COG5: variants seen among roughly 807,000 people sequenced by gnomAD.
COG5 encodes conserved oligomeric Golgi complex subunit 5.
In COG5, 86 loss-of-function variants were observed where a neutral mutation model predicts 110.4. That is an observed-to-expected ratio of 0.78 (90% CI 0.65 to 0.93). The LOEUF (loss-of-function observed/expected upper bound fraction) is 0.93, where lower values mean the gene tolerates loss of function less well. Among genes scored for constraint, COG5 ranks in the 40% least tolerant of loss-of-function variants. The pLI is 0.00. For missense variants in COG5, 1,077 were observed against 987.0 expected (o/e 1.09, Z -1.22); for synonymous variants, 360 against 334.6 (o/e 1.08, Z -0.83).
At chr7:107,446,412 A>T (rs1795008193) in intron 6 of COG5, among the ~76,000 whole-genome samples, 1 of 152,156 alleles carries the variant, frequency 6.6e-6, no homozygotes, top group Non-Finnish European at 1.5e-5. Context: ...TTGTCATCTT[A>T]GGCACACATA....
chr7:107,530,066 G>C (rs2129159288), intron 5 of COG5, among the ~76,000 whole-genome samples: 1 of 152,238 alleles, frequency 6.6e-6, no homozygotes, highest in Middle Eastern at 3.4e-3. Context: ...CCAACAAAGG[G>C]TATGCTCTCA....
intron 1 of COG5, among the ~76,000 whole-genome samples, chr7:107,562,419 A>G (rs537912989): frequency 5.9e-5 from 9 of 152,198 alleles, no homozygotes; most frequent in Non-Finnish European, 1.2e-4. Context: ...TTTCCTAACC[A>G]GTTTCCAACC....
intron 17 of COG5, among the ~76,000 whole-genome samples, 184 bp from the exon 18 acceptor site, chr7:107,236,871 CA>C: frequency 6.6e-6 from 1 of 152,228 alleles, no homozygotes; most frequent in East Asian, 1.9e-4. Flanking sequence ...AATTACATTT[CA>C]AAAAGTGGTT....
chr7:107,415,438 T>C (rs954961858), intron 6 of COG5, among the ~76,000 whole-genome samples: 5 of 152,174 alleles, frequency 3.3e-5, no homozygotes, highest in Admixed American at 3.3e-4. Context: ...TGTAGAGCTA[T>C]TTGAGTTTAT....
At chr7:107,212,950 C>T (rs1014694383) in intron 19 of COG5, among the ~76,000 whole-genome samples, 3 of 152,150 alleles carry the variant, frequency 2.0e-5, no homozygotes, top group Admixed American at 2.0e-4. Flanking sequence ...ATCTAGCTTC[C>T]CTAGCATTCT....
At chr7:107,422,190 T>G (rs1439339695) in intron 6 of COG5, among the ~76,000 whole-genome samples, 3 of 152,154 alleles carry the variant, frequency 2.0e-5, no homozygotes, top group Non-Finnish European at 2.9e-5. Context: ...ATTTGTAATC[T>G]CCTAGTAATA....
At chr7:107,348,041 G>A (rs912236628) in intron 10 of COG5, among the ~76,000 whole-genome samples, 2 of 142,610 alleles carry the variant, frequency 1.4e-5, no homozygotes, top group African/African-American at 5.2e-5. Context: ...CAGGAGAATC[G>A]CTTGAACCTG....
chr7:107,211,240 C>A lies in COG5; in HGVS notation c.2169-15G>T, dbSNP rs1799145894. ...AGAGCAGAGGTCTAGACGGGAAAAACAGAAGTTATTTCACACTGTTCAATA... is the reference window on the plus strand; with the variant it reads ...AGAGCAGAGGTCTAGACGGGAAAAAAAGAAGTTATTTCACACTGTTCAATA... On this transcript the variant is annotated splice_polypyrimidine_tract_variant and intron_variant, in intron 19 of 21. Transcript: ENST00000297135. The A allele has an allele frequency of 6.2e-7, 1 of 1,613,392 alleles. No homozygotes were observed. Among genetic ancestry groups the A allele is most frequent in the Non-Finnish European group, 8.5e-7 (1 of 1,179,490 alleles).
chr7:107,205,315 C>T (rs1798683390), intron 21 of COG5, among the ~76,000 whole-genome samples: 1 of 152,036 alleles, frequency 6.6e-6, no homozygotes, highest in East Asian at 1.9e-4. Context: ...AGACTCAACC[C>T]AACTGAATAC....
rs372813749 is a variant in COG5, at chr7:107,512,878, C to T, written c.538+14359G>A. On this transcript the variant is annotated intron_variant, in intron 6 of 21. Coordinates refer to ENST00000297135, the MANE Select transcript of COG5 (RefSeq NM_006348.5). ...GCTGAAACTGGATCCCTTCCTTACA[C>T]CTTATACAAAAATTAATTCAAGATG... 3.1e-4 allele frequency among the ~76,000 whole-genome samples: 47 copies of T among 151,368 alleles called. 1 individual carries two copies. The South Asian group carries it at 9.0e-3, about 29-fold the overall frequency.
In COG5 at chr7:107,492,921, A is replaced by G. The variant is rs77885794; in HGVS notation, c.538+34316T>C. On this transcript the variant is annotated intron_variant, in intron 6 of 21. Coordinates refer to ENST00000297135, the MANE Select transcript of COG5 (RefSeq NM_006348.5). Reference sequence around the variant, plus strand: ...GAGCTGCACTGATTTGAAGTCAGAAAAAACACCAGAGAACATGTCATGATC... The same window carrying G: ...GAGCTGCACTGATTTGAAGTCAGAAGAAACACCAGAGAACATGTCATGATC... Among the ~76,000 whole-genome samples, 730 of 152,280 alleles carry G rather than the reference A, an allele frequency of 4.8e-3. 6 individuals carry two copies. The highest frequency in any genetic ancestry group is 0.017 in the African/African-American group (704 of 41,572).
intron 6 of COG5, among the ~76,000 whole-genome samples, chr7:107,494,388 AT>A (rs1798144867): frequency 6.6e-6 from 1 of 152,188 alleles, no homozygotes; most frequent in Non-Finnish European, 1.5e-5. Flanking sequence ...TGATGTTTTA[AT>A]TAGTAACAGT....
At chr7:107,392,676 C>A (rs1320720934) in intron 7 of COG5, among the ~76,000 whole-genome samples, 18 of 136,906 alleles carry the variant, frequency 1.3e-4, no homozygotes, top group Admixed American at 4.4e-4. Context: ...ATTGAAATAC[C>A]AAAAAAAAAA....
chr7:107,447,834 C>T (rs1335681464), intron 6 of COG5, among the ~76,000 whole-genome samples: 1 of 152,112 alleles, frequency 6.6e-6, no homozygotes, highest in Non-Finnish European at 1.5e-5. Flanking sequence ...ATAAAGTCTT[C>T]AAAAATAACT....
At chr7:107,558,804 C>T (rs552507923) in intron 1 of COG5, among the ~76,000 whole-genome samples, 3 of 145,904 alleles carry the variant, frequency 2.1e-5, no homozygotes, top group South Asian at 2.2e-4. Flanking sequence ...AGGAGAATGG[C>T]GTGAACCCGG....
chr7:107,430,535 T>C (rs1447545366), intron 6 of COG5, among the ~76,000 whole-genome samples: 2 of 152,232 alleles, frequency 1.3e-5, no homozygotes, highest in African/African-American at 2.4e-5. Context: ...CCTCCAGCTG[T>C]GTTCTTTCTC....
intron 17 of COG5, among the ~76,000 whole-genome samples, chr7:107,237,458 A>C (rs1189648395): frequency 6.6e-6 from 1 of 152,242 alleles, no homozygotes; most frequent in African/African-American, 2.4e-5. Flanking sequence ...ATCATGCTGA[A>C]TCTTTTTCAA....
chr7:107,375,182 T>C (rs904506129), intron 7 of COG5, among the ~76,000 whole-genome samples: 15 of 152,078 alleles, frequency 9.9e-5, no homozygotes, highest in Non-Finnish European at 4.4e-5. Flanking sequence ...AATTCGTCCA[T>C]GTTGTTGGAT....
intron 6 of COG5, among the ~76,000 whole-genome samples, chr7:107,488,682 AC>A (rs1007580693): frequency 6.6e-6 from 1 of 151,948 alleles, no homozygotes; most frequent in African/African-American, 2.4e-5. Context: ...CCATCCCTCC[AC>A]AAAAAATACA....
Sources: allele counts gnomAD v4.1 joint callset (sites outside exome capture counted in the v4.1 genomes callset), GRCh38; gene constraint gnomAD v4.1.1; transcripts MANE v1.5; gene names NCBI Gene and HGNC (gene_info 2026-07-23, HGNC 2026-07-21).